The following CIAO2A variants were observed in gnomAD, a reference collection of about 807,000 sequenced individuals.
CIAO2A encodes the protein cytosolic iron-sulfur assembly component 2A.
A neutral mutation model predicts 22.4 loss-of-function variants in CIAO2A; 17 were observed. The ratio of observed to expected loss-of-function variants is 0.76; its 90% CI spans 0.52 to 1.14. CIAO2A has a LOEUF of 1.14. Ranked by LOEUF, CIAO2A falls within the 50% of genes most tolerant of loss-of-function variation. The probability of loss-of-function intolerance (pLI) is 0.00; values close to 1 mark genes in which losing one functional copy is unlikely to be tolerated. For missense variants in CIAO2A, 192 were observed against 191.4 expected, an observed-to-expected ratio of 1.00 and a Z score of -0.02; for synonymous variants, 74 against 72.3, an observed-to-expected ratio of 1.02 and a Z score of -0.12.
At chr15:64,075,375 C>T in intron 4 of CIAO2A, 117 bp downstream of exon 4, 1 of 637,016 alleles carries the variant, frequency 1.6e-6, no homozygotes, top group Non-Finnish European at 2.6e-6. Flanking sequence ...AGCCAATAAC[C>T]AATTGTGCAC....
intron 3 of CIAO2A, among the ~76,000 whole-genome samples, chr15:64,079,563 T>C (rs945084659): frequency 1.3e-5 from 2 of 151,956 alleles, no homozygotes; most frequent in African/African-American, 2.4e-5. Context: ...TTTGAACATA[T>C]GAGATGGGAG....
At chr15:64,092,442 T>C (rs144885586) in intron 1 of CIAO2A, among the ~76,000 whole-genome samples, 1 of 152,352 alleles carries the variant, frequency 6.6e-6, no homozygotes, top group Non-Finnish European at 1.5e-5. Context: ...TCTCCCTTTC[T>C]CTGAATTTCT....
chr15:64,093,490 T>TA (rs916282944), intron 1 of CIAO2A, among the ~76,000 whole-genome samples, 155 bp downstream of exon 1: 6 of 151,732 alleles, frequency 4.0e-5, no homozygotes, highest in Admixed American at 2.6e-4. Flanking sequence ...AAGCGCCTGC[T>TA]ACGCCCCGGA....
At chr15:64,083,309 A>G (rs2080770366) in intron 2 of CIAO2A, among the ~76,000 whole-genome samples, 1 of 152,118 alleles carries the variant, frequency 6.6e-6, no homozygotes, top group Admixed American at 6.5e-5. Context: ...CAAGTGGCAG[A>G]GGTAGAACCC....
chr15:64,086,373 T>C (rs2080794877), intron 2 of CIAO2A, among the ~76,000 whole-genome samples: 1 of 151,542 alleles, frequency 6.6e-6, no homozygotes, highest in African/African-American at 2.4e-5. Flanking sequence ...GATTGCACCA[T>C]TGCGCTCCAG....
At chr15:64,076,347 T>G (rs1362879095) in intron 3 of CIAO2A, among the ~76,000 whole-genome samples, 3 of 152,182 alleles carry the variant, frequency 2.0e-5, no homozygotes, top group Non-Finnish European at 2.9e-5. Context: ...GGGTTGGAAG[T>G]TTCTTCACAT....
At chr15:64,084,208 T>C (rs2080777047) in intron 2 of CIAO2A, among the ~76,000 whole-genome samples, 1 of 152,174 alleles carries the variant, frequency 6.6e-6, no homozygotes, top group African/African-American at 2.4e-5. Context: ...TTTTTTCTTT[T>C]TTAAGAGATT....
intron 2 of CIAO2A, among the ~76,000 whole-genome samples, chr15:64,082,932 T>C (rs2080767891): frequency 6.6e-6 from 1 of 152,112 alleles, no homozygotes; most frequent in Non-Finnish European, 1.5e-5. Context: ...CTGGGCAAGG[T>C]GGCTCATGCC....
At chr15:64,093,534 CAAA>C in intron 1 of CIAO2A, 108 bp downstream of exon 1, 1 of 1,242,940 alleles carries the variant, frequency 8.0e-7, no homozygotes, top group South Asian at 1.7e-5. Context: ...AACAAACAAA[CAAA>C]AAAAAAGGTC....
chr15:64,087,168 T>C (rs1415427957), intron 2 of CIAO2A, among the ~76,000 whole-genome samples: 1 of 140,570 alleles, frequency 7.1e-6, no homozygotes, highest in Non-Finnish European at 1.5e-5. Flanking sequence ...CTCGGCTCAC[T>C]GCAAACTCCG....
At chr15:64,085,331 C>T in intron 2 of CIAO2A, among the ~76,000 whole-genome samples, 1 of 152,122 alleles carries the variant, frequency 6.6e-6, no homozygotes, top group East Asian at 1.9e-4. Flanking sequence ...TGAGACCAGC[C>T]TGGGCAACAT....
intron 3 of CIAO2A, among the ~76,000 whole-genome samples, chr15:64,076,722 T>C (rs1287688189): frequency 7.6e-6 from 1 of 132,204 alleles, no homozygotes; most frequent in South Asian, 2.3e-4. Flanking sequence ...TCTAGTCCAA[T>C]CTTTTTTTTT....
rs777097666 is a variant in CIAO2A, at chr15:64,083,780, T to G, written c.290-2629A>C. ...TAACATGGAGAAACCCCGTCTCTAT[T>G]GAAAATACAAAAAATTAGTTGGGCA... On this transcript the variant is annotated intron_variant, in intron 2 of 4. Transcript: ENST00000300030. Among the ~76,000 whole-genome samples, 3 of 151,932 alleles carry G rather than the reference T, an allele frequency of 2.0e-5. No individual in the cohort carries two copies. In the Middle Eastern group the frequency reaches 0.01, roughly 517 times the overall value.
intron 3 of CIAO2A, among the ~76,000 whole-genome samples, chr15:64,079,438 G>A (rs2080744504): frequency 6.6e-6 from 1 of 152,164 alleles, no homozygotes; most frequent in Admixed American, 6.6e-5. Context: ...TAGCTACTTG[G>A]GAGGCTGAGC....
intron 2 of CIAO2A, among the ~76,000 whole-genome samples, chr15:64,086,170 A>G (rs1385507105): frequency 6.6e-5 from 10 of 151,466 alleles, no homozygotes; most frequent in African/African-American, 2.2e-4. Context: ...GCACTTTGGG[A>G]GGCCGAGGTG....
intron 4 of CIAO2A, chr15:64,074,675 C>T (rs2080703248): frequency 6.6e-6 from 1 of 152,192 alleles, no homozygotes; most frequent in African/African-American, 2.4e-5. Context: ...GGCTGTTCCT[C>T]TGGAAGCAGC....
intron 2 of CIAO2A, among the ~76,000 whole-genome samples, chr15:64,084,979 G>C (rs2080782626): frequency 6.6e-6 from 1 of 151,410 alleles, no homozygotes; most frequent in Non-Finnish European, 1.5e-5. Context: ...TGTAATCCTA[G>C]CTACTCGGGA....
chr15:64,085,326 C>T (rs894536517), intron 2 of CIAO2A, among the ~76,000 whole-genome samples: 38 of 152,222 alleles, frequency 2.5e-4, no homozygotes, highest in Admixed American at 5.9e-4. Flanking sequence ...GAATTTGAGA[C>T]CAGCCTGGGC....
At position 64,091,310 on chromosome 15, in the gene CIAO2A, A is replaced by AC. The variant is rs1276817631; in HGVS notation, c.124+2334dup. 2.6e-5 allele frequency among the ~76,000 whole-genome samples: 4 copies of AC among 151,804 alleles called. No homozygotes were observed. In the East Asian group the frequency reaches 7.8e-4, roughly 29 times the overall value. ...GACCAGCCTGGCCAACATGGCAAAA[A>AC]CCCGTCTCTACTAAAAATACAAAAA... On this transcript the variant is annotated intron_variant, in intron 1 of 4. Coordinates refer to ENST00000300030, the MANE Select transcript of CIAO2A (RefSeq NM_032231.7).
Sources: gnomAD v4.1 joint callset for allele counts (sites outside exome capture counted in the v4.1 genomes callset) on GRCh38, gnomAD v4.1.1 for gene constraint, MANE v1.5 for transcripts, NCBI Gene and HGNC (gene_info 2026-07-23, HGNC 2026-07-21) for gene names.